The following NUP37 variants were observed in gnomAD, a reference collection of about 807,000 sequenced individuals.
NUP37 encodes nucleoporin Nup37.
In NUP37, 33 loss-of-function variants were observed where a neutral mutation model predicts 45.4. That is an observed-to-expected ratio of 0.73 (90% CI 0.55 to 0.97). The LOEUF is 0.97. Ranked by LOEUF, NUP37 falls within the 50% of genes least tolerant of loss-of-function variation. The pLI, the probability that NUP37 is intolerant of heterozygous loss-of-function variation, is 0.00. For missense variants in NUP37, 365 were observed against 389.7 expected, an observed-to-expected ratio of 0.94 and a Z score of 0.53; for synonymous variants, 127 against 130.7, an observed-to-expected ratio of 0.97 and a Z score of 0.19.
At chr12:102,115,541 T>G (rs1235287255) in intron 2 of NUP37, among the ~76,000 whole-genome samples, 1 of 152,214 alleles carries the variant, frequency 6.6e-6, no homozygotes, top group Non-Finnish European at 1.5e-5. Flanking sequence ...ATGTAAATAT[T>G]TCCTTAAGGA....
intron 3 of NUP37, among the ~76,000 whole-genome samples, chr12:102,109,095 T>C (rs776133279): frequency 3.3e-5 from 5 of 152,198 alleles, no homozygotes; most frequent in Non-Finnish European, 7.4e-5. Context: ...CAGCCTTGTG[T>C]TGCCCCACTT....
chr12:102,075,192 A>C (rs200673059), intron 8 of NUP37, 98 bp from the exon 9 acceptor site: 1 of 726,946 alleles, frequency 1.4e-6, no homozygotes, highest in East Asian at 2.9e-5. Context: ...CTTTTTTTTT[A>C]AGAGACAGGG....
intron 4 of NUP37, among the ~76,000 whole-genome samples, chr12:102,100,174 A>AAATGG (rs1879931391): frequency 6.6e-6 from 1 of 152,178 alleles, no homozygotes. Flanking sequence ...TGCCATTTAT[A>AAATGG]TACTTGGTTA....
At chr12:102,113,243 C>T (rs750155448) in intron 2 of NUP37, among the ~76,000 whole-genome samples, 5 of 152,130 alleles carry the variant, frequency 3.3e-5, no homozygotes, top group Non-Finnish European at 7.3e-5. Flanking sequence ...CTAGTGCCTG[C>T]ACAAGGAAGG....
intron 3 of NUP37, among the ~76,000 whole-genome samples, chr12:102,109,386 T>A (rs1382689989): frequency 6.6e-6 from 1 of 152,162 alleles, no homozygotes; most frequent in Admixed American, 6.5e-5. Context: ...CTACTATTTA[T>A]TTTAGAATAC....
At chr12:102,108,985 G>C (rs1280603967) in intron 3 of NUP37, among the ~76,000 whole-genome samples, 1 of 152,148 alleles carries the variant, frequency 6.6e-6, no homozygotes, top group African/African-American at 2.4e-5. Context: ...AGCAAATAGA[G>C]GAGTTACAGT....
At chr12:102,104,377 T>C (rs1369969434) in intron 3 of NUP37, among the ~76,000 whole-genome samples, 1 of 152,212 alleles carries the variant, frequency 6.6e-6, no homozygotes, top group African/African-American at 2.4e-5. Context: ...ATTTATCCCT[T>C]GTTAGGTATA....
chr12:102,118,636 G>T, intron 1 of NUP37, 53 bp from the exon 2 acceptor site: 1 of 819,856 alleles, frequency 1.2e-6, no homozygotes, highest in East Asian at 2.6e-5. Flanking sequence ...TAGTCATTCA[G>T]CAAATGCATC....
At chr12:102,110,911 G>A (rs1047716325) in intron 3 of NUP37, among the ~76,000 whole-genome samples, 1 of 152,100 alleles carries the variant, frequency 6.6e-6, no homozygotes, top group African/African-American at 2.4e-5. Flanking sequence ...AAGACAAAAT[G>A]GTAGAACCAC....
At chr12:102,076,529 G>C (rs1879172851) in intron 8 of NUP37, among the ~76,000 whole-genome samples, 1 of 152,182 alleles carries the variant, frequency 6.6e-6, no homozygotes, top group Admixed American at 6.5e-5. Context: ...CAATCAGGAA[G>C]CATAATATAT....
At chr12:102,108,085 A>G (rs1226962192) in intron 3 of NUP37, among the ~76,000 whole-genome samples, 1 of 152,204 alleles carries the variant, frequency 6.6e-6, no homozygotes, top group African/African-American at 2.4e-5. Flanking sequence ...GATACAAAGT[A>G]CTGGTTCTGG....
intron 3 of NUP37, among the ~76,000 whole-genome samples, chr12:102,105,360 A>C (rs1411680306): frequency 6.6e-6 from 1 of 150,648 alleles, no homozygotes; most frequent in Non-Finnish European, 1.5e-5. Context: ...CCCCATCTCT[A>C]CAAAAAAAAA....
At chr12:102,087,097 AAAC>A (rs1417136260) in intron 5 of NUP37, among the ~76,000 whole-genome samples, 3 of 152,190 alleles carry the variant, frequency 2.0e-5, no homozygotes, top group South Asian at 2.1e-4. Context: ...CCCTGTCTCA[AAAC>A]AACAACAACA....
chr12:102,078,222 G>A (rs1027899869), intron 6 of NUP37, among the ~76,000 whole-genome samples: 6 of 151,968 alleles, frequency 3.9e-5, no homozygotes, highest in Admixed American at 6.6e-5. Flanking sequence ...CTAGCTACTC[G>A]GGAGGCTGAG....
At chr12:102,081,314 A>G (rs1038592894) in intron 6 of NUP37, among the ~76,000 whole-genome samples, 1 of 152,230 alleles carries the variant, frequency 6.6e-6, no homozygotes, top group African/African-American at 2.4e-5. Context: ...AATTATGACA[A>G]ATCTTTTTTT....
intron 5 of NUP37, among the ~76,000 whole-genome samples, chr12:102,088,416 C>A (rs968414207): frequency 1.3e-5 from 2 of 152,018 alleles, no homozygotes; most frequent in East Asian, 1.9e-4. Flanking sequence ...AGAATACACT[C>A]AAAAAGAATG....
intron 2 of NUP37, among the ~76,000 whole-genome samples, chr12:102,117,927 CAGCATACTAAT>C (rs1439565877): frequency 6.6e-6 from 1 of 152,126 alleles, no homozygotes; most frequent in Non-Finnish European, 1.5e-5. Flanking sequence ...AAAAGTATGA[CAGCATACTAAT>C]AGGAAAGCTG....
rs141026226 is a variant in NUP37 at position 102,082,134 on chromosome 12, G to C, written c.540+3632C>G. Among the ~76,000 whole-genome samples the C allele has an allele frequency of 1.2e-3, 183 of 152,118 alleles. 2 individuals are homozygous for C. Among genetic ancestry groups the C allele is most frequent in the Non-Finnish European group, 1.8e-3 (125 of 68,002 alleles). ...GCATTGAAATCCTAGCTCCTATTGA[G>C]TCTTATTGGATTTGGGAGCTTAGTT... On this transcript the variant is annotated intron_variant, in intron 6 of 9. Transcript: ENST00000552283.
intron 3 of NUP37, among the ~76,000 whole-genome samples, chr12:102,107,151 G>C (rs879842988): frequency 6.6e-6 from 1 of 152,218 alleles, no homozygotes; most frequent in African/African-American, 2.4e-5. Flanking sequence ...TGCAATACTT[G>C]TTGTCTTAGT....
Sources: gnomAD v4.1 joint callset for allele counts (sites outside exome capture counted in the v4.1 genomes callset) on GRCh38, gnomAD v4.1.1 for gene constraint, MANE v1.5 for transcripts, NCBI Gene and HGNC (gene_info 2026-07-23, HGNC 2026-07-21) for gene names.